Variants in DLG2 observed in about 807,000 individuals in gnomAD.
DLG2 encodes disks large homolog 2.
In DLG2, 45 loss-of-function variants were observed where a neutral mutation model predicts 132.5. The ratio of observed to expected loss-of-function variants is 0.34; its 90% CI spans 0.27 to 0.44. The LOEUF (loss-of-function observed/expected upper bound fraction) is 0.44. Ranked by LOEUF, DLG2 falls within the 20% of genes least tolerant of loss-of-function variation. The probability of loss-of-function intolerance (pLI) is 1.00; values close to 1 mark genes in which losing one functional copy is unlikely to be tolerated. For synonymous variants in DLG2, 424 were observed against 419.6 expected (o/e 1.01, Z -0.13); for missense variants, 1,045 against 1,196.9 (o/e 0.87, Z 1.87).
chr11:83,682,357 G>A, intron 18 of DLG2: 1 of 985,356 alleles, frequency 1.0e-6, no homozygotes. Context: ...TTACATCACA[G>A]GGGGTGACCA....
intron 18 of DLG2, among the ~76,000 whole-genome samples, chr11:83,778,870 G>T (rs1300319188): frequency 2.0e-5 from 3 of 152,026 alleles, no homozygotes; most frequent in Admixed American, 6.6e-5. Context: ...GATGGAGGTT[G>T]GGGAGGAAAC....
intron 6 of DLG2, among the ~76,000 whole-genome samples, chr11:85,094,503 C>G (rs1164713619): frequency 6.6e-6 from 1 of 152,222 alleles, no homozygotes; most frequent in Non-Finnish European, 1.5e-5. Context: ...TTCTGGATAA[C>G]TTGCTATAGC....
intron 18 of DLG2, chr11:83,725,002 G>A (rs1251988997): frequency 2.9e-6 from 2 of 683,720 alleles, no homozygotes; most frequent in Non-Finnish European, 5.3e-6. Flanking sequence ...TTGAGTGGTG[G>A]CCAAAGCCTG....
chr11:85,149,676 T>C (rs1046605644), intron 5 of DLG2, among the ~76,000 whole-genome samples: 1 of 152,184 alleles, frequency 6.6e-6, no homozygotes, highest in Non-Finnish European at 1.5e-5. Flanking sequence ...ATTAATATAA[T>C]ATCATTTCTG....
chr11:85,187,987 G>A (rs1291237095), intron 4 of DLG2, among the ~76,000 whole-genome samples: 1 of 152,138 alleles, frequency 6.6e-6, no homozygotes, highest in South Asian at 2.1e-4. Flanking sequence ...ACACCACCCT[G>A]CTGATGGGAA....
At chr11:84,831,526 G>A (rs968094833) in intron 6 of DLG2, among the ~76,000 whole-genome samples, 3 of 151,462 alleles carry the variant, frequency 2.0e-5, no homozygotes, top group African/African-American at 4.8e-5. Context: ...ATGAAGTCAC[G>A]AATATAAACT....
intron 6 of DLG2, among the ~76,000 whole-genome samples, chr11:85,090,438 A>G (rs78620895): frequency 0.031 from 4,753 of 152,276 alleles, 258 homozygotes; most frequent in African/African-American, 0.1. Flanking sequence ...CAAAGAGTAA[A>G]TAGAAGACAT....
intron 8 of DLG2, among the ~76,000 whole-genome samples, chr11:84,186,921 C>T (rs1042236336): frequency 1.3e-5 from 2 of 151,790 alleles, no homozygotes; most frequent in African/African-American, 4.8e-5. Flanking sequence ...AATATAATTA[C>T]TAAAAATGTC....
intron 19 of DLG2, chr11:83,631,142 A>T (rs537012247): frequency 6.9e-6 from 1 of 145,680 alleles, no homozygotes; most frequent in African/African-American, 2.5e-5. Context: ...TTTTGGTAAG[A>T]ATTTCACTTA....
At position 85,583,138 on chromosome 11, in the gene DLG2, A is replaced by G. The variant is rs1477612540; in HGVS notation, c.40+15519T>C. 3.8e-3 allele frequency among the ~76,000 whole-genome samples: 264 copies of G among 69,166 alleles called. 2 individuals carry two copies. The highest frequency in any genetic ancestry group is 0.012 in the African/African-American group (212 of 17,252). The allele number at this position is 69,166 out of a possible 152,430, so 45.4% of individuals were successfully genotyped here. On this transcript the variant is annotated intron_variant, in intron 3 of 27. Transcript: ENST00000376104. ...TGTGTGTGTGTGTGTGTGTATATAT[A>G]TATATATATATATATATATATATAT...
intron 21 of DLG2, among the ~76,000 whole-genome samples, chr11:83,489,282 T>C (rs927424017): frequency 1.3e-5 from 2 of 151,970 alleles, no homozygotes; most frequent in African/African-American, 2.4e-5. Context: ...TAATTCCTAC[T>C]ATAAAAATGC....
intron 16 of DLG2, among the ~76,000 whole-genome samples, chr11:83,873,547 G>C (rs2063899782): frequency 6.6e-6 from 1 of 152,130 alleles, no homozygotes; most frequent in Non-Finnish European, 1.5e-5. Flanking sequence ...CCATGATTGT[G>C]AGGCCTCCCT....
intron 6 of DLG2, among the ~76,000 whole-genome samples, chr11:84,570,148 A>G (rs1206360412): frequency 6.6e-6 from 1 of 152,208 alleles, no homozygotes; most frequent in East Asian, 1.9e-4. Context: ...TAGGCCTTCC[A>G]GAACTAGTCC....
intron 16 of DLG2, among the ~76,000 whole-genome samples, chr11:83,837,477 T>G (rs928459325): frequency 6.6e-6 from 1 of 152,146 alleles, no homozygotes; most frequent in Non-Finnish European, 1.5e-5. Flanking sequence ...CTGCCGCTGG[T>G]AGAGCCAGAA....
intron 3 of DLG2, among the ~76,000 whole-genome samples, chr11:85,450,637 G>T (rs984066522): frequency 6.6e-6 from 1 of 152,072 alleles, no homozygotes; most frequent in Non-Finnish European, 1.5e-5. Context: ...CTGCAATTTT[G>T]CTGGTAATGA....
chr11:84,599,968 G>A (rs956916322), intron 6 of DLG2, among the ~76,000 whole-genome samples: 1 of 151,024 alleles, frequency 6.6e-6, no homozygotes, highest in African/African-American at 2.4e-5. Flanking sequence ...GCGAGGCTGA[G>A]GCTGCAGTGA....
chr11:84,610,576 G>A (rs995848021), intron 6 of DLG2, among the ~76,000 whole-genome samples: 1 of 152,086 alleles, frequency 6.6e-6, no homozygotes, highest in Non-Finnish European at 1.5e-5. Flanking sequence ...AAGGGAACAA[G>A]GGGTAAGCCA....
At chr11:84,171,089 A>G (rs560259432) in intron 8 of DLG2, among the ~76,000 whole-genome samples, 6 of 151,564 alleles carry the variant, frequency 4.0e-5, no homozygotes, top group Admixed American at 1.3e-4. Context: ...TTCCATTTCT[A>G]CTCCTCAAAG....
At chr11:84,293,686 A>G (rs1316583983) in intron 7 of DLG2, among the ~76,000 whole-genome samples, 2 of 152,224 alleles carry the variant, frequency 1.3e-5, no homozygotes, top group East Asian at 3.9e-4. Flanking sequence ...CAAAAAATAA[A>G]TAAATAAAAA....
Sources: gnomAD v4.1 joint callset for allele counts (sites outside exome capture counted in the v4.1 genomes callset) on GRCh38, gnomAD v4.1.1 for gene constraint, MANE v1.5 for transcripts, NCBI Gene and HGNC (gene_info 2026-07-23, HGNC 2026-07-21) for gene names.